Variants in GNA12 observed in about 807,000 individuals in gnomAD.
GNA12 encodes guanine nucleotide-binding protein subunit alpha-12.
In GNA12, 9 loss-of-function variants were observed where a neutral mutation model predicts 26.0. The observed-to-expected ratio is 0.35, with a 90% CI of 0.21 to 0.60. The LOEUF (loss-of-function observed/expected upper bound fraction) is 0.60. Among genes scored for constraint, GNA12 ranks in the 20% least tolerant of loss-of-function variants. The probability of loss-of-function intolerance (pLI) is 0.78; values close to 1 mark genes in which losing one functional copy is unlikely to be tolerated. For missense variants in GNA12, 405 were observed against 525.8 expected (o/e 0.77, Z 2.25); for synonymous variants, 264 against 219.6 (o/e 1.20, Z -1.79).
At chr7:2,832,297 G>T (rs1009053979) in intron 1 of GNA12, among the ~76,000 whole-genome samples, 3 of 152,180 alleles carry the variant, frequency 2.0e-5, no homozygotes, top group African/African-American at 7.2e-5. Context: ...AGCTCCACGA[G>T]GCCAGGACTG....
intron 2 of GNA12, chr7:2,762,557 T>G: frequency 7.2e-7 from 1 of 1,396,700 alleles, no homozygotes. Context: ...TGGAGTTAGA[T>G]CCAATGACAT....
At chr7:2,749,389 T>C (rs1038536973) in intron 2 of GNA12, among the ~76,000 whole-genome samples, 1 of 152,088 alleles carries the variant, frequency 6.6e-6, no homozygotes, top group Admixed American at 6.6e-5. Flanking sequence ...GAAACCATCA[T>C]TGTCAGCAAA....
At chr7:2,835,141 GTAATGAAA>G (rs1011538444) in intron 1 of GNA12, among the ~76,000 whole-genome samples, 11 of 152,190 alleles carry the variant, frequency 7.2e-5, no homozygotes, top group African/African-American at 2.7e-4. Context: ...GTGAAATTTA[GTAATGAAA>G]ACGCTCTTGG....
chr7:2,737,289 G>GTTTTTTTTTTTTTTTTTTTTTTTTTTT (rs11389467), intron 2 of GNA12, among the ~76,000 whole-genome samples: 4 of 62,314 alleles, frequency 6.4e-5, no homozygotes, highest in Non-Finnish European at 9.7e-5. Flanking sequence ...TTTTTTTTTT[G>GTTTTTTTTTTTTTTTTTTTTTTTTTTT]TTTTTTTTTT....
intron 1 of GNA12, among the ~76,000 whole-genome samples, chr7:2,818,875 C>T (rs916360183): frequency 6.6e-6 from 1 of 152,062 alleles, no homozygotes; most frequent in Non-Finnish European, 1.5e-5. Context: ...AGCCTCACAA[C>T]CCTTTCATGG....
At chr7:2,790,850 T>A (rs567865397) in intron 2 of GNA12, among the ~76,000 whole-genome samples, 93 of 152,222 alleles carry the variant, frequency 6.1e-4, no homozygotes, top group Non-Finnish European at 2.9e-4. Context: ...GGCACATGCC[T>A]GTGATCCCAA....
At chr7:2,736,793 C>T (rs773014982) in intron 2 of GNA12, among the ~76,000 whole-genome samples, 10 of 152,262 alleles carry the variant, frequency 6.6e-5, no homozygotes, top group Non-Finnish European at 8.8e-5. Context: ...GCAGGCACTG[C>T]AGCAGCCTCG....
intron 1 of GNA12, among the ~76,000 whole-genome samples, chr7:2,799,222 T>C (rs1485950654): frequency 6.6e-6 from 1 of 152,210 alleles, no homozygotes; most frequent in Non-Finnish European, 1.5e-5. Flanking sequence ...GAGAAAATAT[T>C]TGCCAACCAC....
chr7:2,833,646 G>GT (rs1778746282), intron 1 of GNA12, among the ~76,000 whole-genome samples: 1 of 152,064 alleles, frequency 6.6e-6, no homozygotes, highest in East Asian at 1.9e-4. Context: ...GTTTTGTTTG[G>GT]TTTTTTGGTA....
intron 2 of GNA12, among the ~76,000 whole-genome samples, chr7:2,782,290 G>A (rs1036115418): frequency 2.6e-5 from 4 of 152,192 alleles, no homozygotes; most frequent in Non-Finnish European, 5.9e-5. Context: ...AAAAAGAGAT[G>A]TTAGTCTTCA....
At chr7:2,784,433 C>T (rs1383057164) in intron 2 of GNA12, among the ~76,000 whole-genome samples, 1 of 152,200 alleles carries the variant, frequency 6.6e-6, no homozygotes, top group Non-Finnish European at 1.5e-5. Flanking sequence ...GGAAATCTTA[C>T]AATTACTATA....
intron 3 of GNA12, among the ~76,000 whole-genome samples, chr7:2,733,169 T>G (rs771525168): frequency 2.6e-5 from 4 of 152,220 alleles, no homozygotes; most frequent in Non-Finnish European, 5.9e-5. Flanking sequence ...TTGAGTATGT[T>G]TGAATTTTCC....
chr7:2,757,109 C>T (rs1259149584), intron 2 of GNA12, among the ~76,000 whole-genome samples: 1 of 149,360 alleles, frequency 6.7e-6, no homozygotes, highest in Middle Eastern at 3.6e-3. Flanking sequence ...CCTTGGCAGG[C>T]CCGATCTAAT....
chr7:2,814,359 T>G, intron 1 of GNA12: 1 of 1,604,670 alleles, frequency 6.2e-7, no homozygotes, highest in Non-Finnish European at 8.5e-7. Flanking sequence ...CGGCAGCACT[T>G]TCGGTTTCCA....
chr7:2,754,716 T>G (rs946644530), intron 2 of GNA12, among the ~76,000 whole-genome samples: 13 of 152,044 alleles, frequency 8.6e-5, no homozygotes, highest in African/African-American at 3.1e-4. Flanking sequence ...ACCACTACAC[T>G]CCAGTCCGAG....
chr7:2,799,386 C>A (rs1792754189), intron 1 of GNA12, among the ~76,000 whole-genome samples: 1 of 152,144 alleles, frequency 6.6e-6, no homozygotes, highest in South Asian at 2.1e-4. Context: ...TCGAGACCAG[C>A]CTGGGCAACA....
intron 1 of GNA12, among the ~76,000 whole-genome samples, chr7:2,813,523 T>A (rs1462636766): frequency 6.6e-6 from 1 of 151,968 alleles, no homozygotes; most frequent in Non-Finnish European, 1.5e-5. Flanking sequence ...CCACAATATC[T>A]GCTATACCTC....
intron 2 of GNA12, among the ~76,000 whole-genome samples, chr7:2,777,487 C>T (rs1389281159): frequency 6.6e-6 from 1 of 152,194 alleles, no homozygotes; most frequent in Non-Finnish European, 1.5e-5. Flanking sequence ...CCCTAATTCC[C>T]AGTGGGATGG....
chr7:2,746,657 AT>A (rs1470219847), intron 2 of GNA12, among the ~76,000 whole-genome samples: 1 of 152,232 alleles, frequency 6.6e-6, no homozygotes, highest in Admixed American at 6.5e-5. Context: ...AAGGCAAGAA[AT>A]AACTAAGATC....
Sources: allele counts gnomAD v4.1 joint callset (sites outside exome capture counted in the v4.1 genomes callset), GRCh38; gene constraint gnomAD v4.1.1; transcripts MANE v1.5; gene names NCBI Gene and HGNC (gene_info 2026-07-23, HGNC 2026-07-21).